LRRC7: variants seen among roughly 807,000 people sequenced by gnomAD.
LRRC7 encodes the protein leucine-rich repeat-containing protein 7.
In LRRC7, 23 loss-of-function variants were observed where a neutral mutation model predicts 175.7. That is an observed-to-expected ratio of 0.13 (90% confidence interval 0.09 to 0.19). LRRC7 has a LOEUF of 0.19. Ranked by LOEUF, LRRC7 falls within the 10% of genes least tolerant of loss-of-function variation. The pLI, the probability that LRRC7 is intolerant of heterozygous loss-of-function variation, is 1.00. For synonymous variants in LRRC7, 685 were observed against 680.9 expected, an observed-to-expected ratio of 1.01 and a Z score of -0.09; for missense variants, 1,354 against 1,904.7, an observed-to-expected ratio of 0.71 and a Z score of 5.38.
intron 18 of LRRC7, among the ~76,000 whole-genome samples, chr1:70,034,628 A>G (rs1190862679): frequency 2.6e-5 from 4 of 152,172 alleles, no homozygotes; most frequent in South Asian, 4.1e-4. Flanking sequence ...AGGAGGCAGC[A>G]CAAGGTAAGG....
intron 7 of LRRC7, among the ~76,000 whole-genome samples, chr1:69,888,203 G>A (rs975312461): frequency 5.3e-5 from 8 of 151,772 alleles, no homozygotes; most frequent in South Asian, 4.2e-4. Context: ...AATGGCGGTC[G>A]CCCCTCCCCC....
chr1:69,921,031 T>G (rs548131991), intron 7 of LRRC7, among the ~76,000 whole-genome samples: 1 of 152,244 alleles, frequency 6.6e-6, no homozygotes, highest in African/African-American at 2.4e-5. Context: ...GTAGCAGATG[T>G]TCTCCTTAAA....
intron 8 of LRRC7, among the ~76,000 whole-genome samples, chr1:69,938,333 A>C (rs543786112): frequency 6.6e-6 from 1 of 152,162 alleles, no homozygotes; most frequent in East Asian, 1.9e-4. Context: ...CTTTAAAAAA[A>C]TTCTGCACTC....
intron 8 of LRRC7, among the ~76,000 whole-genome samples, chr1:69,951,359 C>G (rs1447545921): frequency 6.6e-6 from 1 of 152,020 alleles, no homozygotes; most frequent in Admixed American, 6.6e-5. Context: ...ATTAGTTCAA[C>G]CACTGTGGAA....
At chr1:69,748,197 C>T (rs1411931396) in intron 2 of LRRC7, among the ~76,000 whole-genome samples, 1 of 152,142 alleles carries the variant, frequency 6.6e-6, no homozygotes, top group Non-Finnish European at 1.5e-5. Context: ...GCATTAATTA[C>T]AATACTAATA....
chr1:70,075,716 ACT>A (rs1662723785), intron 23 of LRRC7, among the ~76,000 whole-genome samples: 1 of 152,150 alleles, frequency 6.6e-6, no homozygotes, highest in Non-Finnish European at 1.5e-5. Context: ...TCTCTCTGTA[ACT>A]CTCTGGTATA....
chr1:69,759,242 C>T (rs552041136), intron 2 of LRRC7, among the ~76,000 whole-genome samples: 172 of 152,080 alleles, frequency 1.1e-3, no homozygotes, highest in African/African-American at 3.9e-3. Context: ...TTCATTCATG[C>T]TTTCATTTGT....
intron 8 of LRRC7, among the ~76,000 whole-genome samples, chr1:69,956,895 G>A (rs530978397): frequency 8.6e-5 from 13 of 151,590 alleles, no homozygotes; most frequent in South Asian, 4.1e-4. Context: ...TATAACACAC[G>A]AGATTTTATT....
chr1:69,828,955 C>T lies in LRRC7; in HGVS notation c.500+3129C>T, dbSNP rs1680239073. On this transcript the variant is annotated intron_variant, in intron 5 of 26. Transcript: ENST00000651989. ...GAAAAAAATGTTGAAATAAGGGTGACTGAAACTGATCTTAATTTGCCTATT... is the reference window on the plus strand; with the variant it reads ...GAAAAAAATGTTGAAATAAGGGTGATTGAAACTGATCTTAATTTGCCTATT... Among the ~76,000 whole-genome samples the T allele has an allele frequency of 3.9e-5, 6 of 151,918 alleles. No individual in the cohort carries two copies. In the South Asian group the frequency reaches 1.2e-3, roughly 32 times the overall value.
At chr1:69,715,979 G>C (rs1352095398) in intron 2 of LRRC7, among the ~76,000 whole-genome samples, 1 of 151,906 alleles carries the variant, frequency 6.6e-6, no homozygotes. Context: ...TTTAGTGGCA[G>C]TGTTTGTGGA....
In LRRC7 at chr1:69,800,017, G is replaced by A. The variant is rs554921763; in HGVS notation, c.421+7857G>A. 9.9e-5 allele frequency among the ~76,000 whole-genome samples: 15 copies of A among 152,118 alleles called. No homozygotes were observed. The South Asian group carries it at 3.1e-3, about 32-fold the overall frequency. ...AGAGGGTGTCCTTTCCCCAGTGTAT[G>A]TTTTTGTCAACTTTGTCAAAGATCC... On this transcript the variant is annotated intron_variant, in intron 4 of 26. Transcript: ENST00000651989.
intron 7 of LRRC7, among the ~76,000 whole-genome samples, chr1:69,868,950 G>A (rs1051705653): frequency 2.0e-5 from 3 of 150,670 alleles, no homozygotes; most frequent in Middle Eastern, 3.4e-3. Flanking sequence ...TTAATCTCCT[G>A]TTTGTATAAA....
chr1:69,665,001 G>GA (rs1285539571), intron 1 of LRRC7, among the ~76,000 whole-genome samples: 2 of 151,956 alleles, frequency 1.3e-5, no homozygotes, highest in Admixed American at 1.3e-4. Flanking sequence ...GATAGGTGTC[G>GA]AATTTCATTT....
At chr1:69,588,112 C>T (rs1167870070) in intron 1 of LRRC7, among the ~76,000 whole-genome samples, 2 of 152,242 alleles carry the variant, frequency 1.3e-5, no homozygotes, top group African/African-American at 4.8e-5. Flanking sequence ...TCCATGAAGG[C>T]TTTCTATACC....
intron 7 of LRRC7, among the ~76,000 whole-genome samples, chr1:69,895,337 A>G (rs1269331663): frequency 4.6e-5 from 7 of 152,348 alleles, no homozygotes; most frequent in Non-Finnish European, 8.8e-5. Context: ...GCAAAGGTAC[A>G]CAAGGAAACT....
chr1:69,657,837 G>A (rs1656881024), intron 1 of LRRC7, among the ~76,000 whole-genome samples: 1 of 151,838 alleles, frequency 6.6e-6, no homozygotes, highest in African/African-American at 2.4e-5. Flanking sequence ...CTTCACCACA[G>A]TCACAGACTT....
intron 1 of LRRC7, among the ~76,000 whole-genome samples, chr1:69,631,448 G>A (rs1652480380): frequency 6.6e-6 from 1 of 151,912 alleles, no homozygotes; most frequent in African/African-American, 2.4e-5. Flanking sequence ...TTAAAACTCT[G>A]ACTTGTAGCT....
rs1666992937 is a variant in LRRC7 at position 70,139,667 on chromosome 1, A to T, written c.*17780A>T. On this transcript the variant is annotated 3_prime_UTR_variant, in exon 27 of 27. Coordinates refer to ENST00000651989, the MANE Select transcript of LRRC7 (RefSeq NM_001370785.2). ...ATCCTTTACAGGGTGACCTTCCTAC[A>T]TCTCCTTAGAGCAACTGCATTTCAA... The T allele has an allele frequency of 6.6e-6, 1 of 152,186 alleles. No homozygotes were observed. Among genetic ancestry groups the T allele is most frequent in the African/African-American group, 2.4e-5 (1 of 41,450 alleles). The allele number at this position is 152,186 out of a possible 1,614,324, so 9.4% of individuals were successfully genotyped here. A position where few individuals can be genotyped will look rare whatever the true frequency, so the allele number is the denominator to read the frequency against.
chr1:69,996,792 G>A (rs879832676), intron 11 of LRRC7, among the ~76,000 whole-genome samples: 1,582 of 151,716 alleles, frequency 0.01, 15 homozygotes, highest in Non-Finnish European at 0.018. Flanking sequence ...TGCTGTTTTG[G>A]TTACTGTAGC....
Sources: allele counts gnomAD v4.1 joint callset (sites outside exome capture counted in the v4.1 genomes callset), GRCh38; gene constraint gnomAD v4.1.1; transcripts MANE v1.5; gene names NCBI Gene and HGNC (gene_info 2026-07-23, HGNC 2026-07-21).